KIF13A: variants seen among roughly 807,000 people sequenced by gnomAD.
KIF13A encodes kinesin-like protein KIF13A.
A neutral mutation model predicts 212.2 loss-of-function variants in KIF13A; 79 were observed. The ratio of observed to expected loss-of-function variants is 0.37; its 90% CI spans 0.31 to 0.45. KIF13A has a LOEUF of 0.45. KIF13A is among the 20% of genes least tolerant of loss of function. The pLI, the probability that KIF13A is intolerant of heterozygous loss-of-function variation, is 1.00. For synonymous variants in KIF13A, 789 were observed against 808.6 expected (o/e 0.98, Z 0.41); for missense variants, 1,901 against 2,209.0 (o/e 0.86, Z 2.79).
At chr6:17,810,872 A>T (rs547249698) in intron 17 of KIF13A, among the ~76,000 whole-genome samples, 4 of 152,282 alleles carry the variant, frequency 2.6e-5, no homozygotes, top group African/African-American at 9.6e-5. Flanking sequence ...AGTGATGGGG[A>T]GCAGCTGTAG....
chr6:17,772,825 A>AC lies in KIF13A; in HGVS notation c.4324+652dup, dbSNP rs1279052715. On this transcript the variant is annotated intron_variant, in intron 36 of 38. Transcript: ENST00000259711. The surrounding 1 kb of genome is among the most constrained non-coding windows in gnomAD (Gnocchi z 4.8). ...AGCCTCTTTTTTTCCCCCTCAGGCC[A>AC]CCCTGCTATATATGACTAAGGGAGG... Among the ~76,000 whole-genome samples, 1 of 152,068 alleles carries AC rather than the reference A, an allele frequency of 6.6e-6. No individual in the cohort carries two copies. Among genetic ancestry groups the AC allele is most frequent in the Non-Finnish European group, 1.5e-5 (1 of 68,000 alleles).
Position 17,987,599 on chromosome 6 carries a change from G to A in KIF13A, c.-136C>T. 1 of 297,960 alleles carries A rather than the reference G, an allele frequency of 3.4e-6. No individual in the cohort carries two copies. The highest frequency in any genetic ancestry group is 4.9e-6 in the Non-Finnish European group (1 of 205,190). The allele number at this position is 297,960 out of a possible 1,614,324, so 18.5% of individuals were successfully genotyped here. ...GCTCCGCCGTGAGCTCCGAGAGGCA[G>A]CGCCGAGGCGCGCGGGCCATCCCGG... On this transcript the variant is annotated 5_prime_UTR_variant, in exon 1 of 39. Coordinates refer to ENST00000259711, the MANE Select transcript of KIF13A (RefSeq NM_022113.6). The surrounding 1 kb of genome is among the most constrained non-coding windows in gnomAD (Gnocchi z 7.7).
intron 4 of KIF13A, among the ~76,000 whole-genome samples, chr6:17,862,689 C>T (rs1015033647): frequency 6.6e-6 from 1 of 151,992 alleles, no homozygotes; most frequent in Non-Finnish European, 1.5e-5. Flanking sequence ...TGGTTCATAC[C>T]TGTAATCCCA....
In KIF13A at chr6:17,892,480, G is replaced by C. The variant is rs1190614932; in HGVS notation, c.159+5688C>G. 6.6e-6 allele frequency among the ~76,000 whole-genome samples: 1 copy of C among 152,198 alleles called. No individual in the cohort carries two copies. The highest frequency in any genetic ancestry group is 1.5e-5 in the Non-Finnish European group (1 of 68,036). The stretch of plus-strand genomic sequence containing the variant: ...CTGACATCAAGGCCTGCCACAGCTG[G>C]GTGATACATCACTGTGCAGTGATAA... On this transcript the variant is annotated intron_variant, in intron 3 of 38. Coordinates refer to ENST00000259711, the MANE Select transcript of KIF13A (RefSeq NM_022113.6). The surrounding 1 kb of genome is among the most constrained non-coding windows in gnomAD (Gnocchi z 4.7).
At position 17,872,887 on chromosome 6, in the gene KIF13A, C is replaced by T. The variant is rs558256785; in HGVS notation, c.220+490G>A. On this transcript the variant is annotated intron_variant, in intron 4 of 38. Transcript: ENST00000259711. This position sits in a 1 kb window ranked among gnomAD's most constrained non-coding sequence, Gnocchi z 4.7. ...CTGACCTCAAGTGATCCGCCCACCT[C>T]GGCCTCCCAAAGTGCTGGGATTACA... 2.2e-4 allele frequency among the ~76,000 whole-genome samples: 33 copies of T among 152,230 alleles called. No individual in the cohort carries two copies. The highest frequency in any genetic ancestry group is 1.6e-3 in the Admixed American group (24 of 15,282).
intron 4 of KIF13A, among the ~76,000 whole-genome samples, chr6:17,862,835 C>T (rs926384581): frequency 1.3e-5 from 2 of 152,144 alleles, no homozygotes; most frequent in African/African-American, 4.8e-5. Context: ...GTAGTCCCAG[C>T]TACTCGGGAG....
In KIF13A at chr6:17,987,604, G is replaced by C. The variant is rs1351433947; in HGVS notation, c.-141C>G. 3.5e-6 allele frequency: 1 copy of C among 287,482 alleles called. No individual in the cohort carries two copies. Among genetic ancestry groups the C allele is most frequent in the African/African-American group, 2.3e-5 (1 of 43,042 alleles). 17.8% of individuals were successfully genotyped at this position (287,482 alleles called of 1,614,324 possible). A position where few individuals can be genotyped will look rare whatever the true frequency, so the allele number is the denominator to read the frequency against. On this transcript the variant is annotated 5_prime_UTR_variant, in exon 1 of 39. Coordinates refer to ENST00000259711, the MANE Select transcript of KIF13A (RefSeq NM_022113.6). The surrounding 1 kb of genome is among the most constrained non-coding windows in gnomAD (Gnocchi z 7.7). The stretch of plus-strand genomic sequence containing the variant: ...GCCGTGAGCTCCGAGAGGCAGCGCC[G>C]AGGCGCGCGGGCCATCCCGGGGGAG...
At chr6:17,866,763 T>A (rs1033314510) in intron 4 of KIF13A, among the ~76,000 whole-genome samples, 4 of 148,092 alleles carry the variant, frequency 2.7e-5, no homozygotes, top group African/African-American at 1.0e-4. Flanking sequence ...AAGGGAGGTA[T>A]TGAAGAAAAT....
intron 19 of KIF13A, among the ~76,000 whole-genome samples, chr6:17,805,045 A>C (rs1017233327): frequency 1.3e-4 from 20 of 152,128 alleles, no homozygotes; most frequent in African/African-American, 4.8e-4. Context: ...TGCAAGCTTA[A>C]ATTACTCTTA....
At chr6:17,940,048 T>TAAAAAAAAA (rs56365666) in intron 2 of KIF13A, among the ~76,000 whole-genome samples, 16 of 121,836 alleles carry the variant, frequency 1.3e-4, no homozygotes, top group Non-Finnish European at 2.0e-4. Flanking sequence ...TCTCATAAAT[T>TAAAAAAAAA]AAAAAAAAAA....
At chr6:17,956,456 CA>C (rs1778363170) in intron 2 of KIF13A, among the ~76,000 whole-genome samples, 3 of 152,154 alleles carry the variant, frequency 2.0e-5, no homozygotes, top group Admixed American at 2.0e-4. Flanking sequence ...CCTAGCACTG[CA>C]AAAGCAACCA....
At chr6:17,878,869 T>G (rs779701404) in intron 3 of KIF13A, among the ~76,000 whole-genome samples, 1 of 152,222 alleles carries the variant, frequency 6.6e-6, no homozygotes, top group East Asian at 1.9e-4. Context: ...CTAACAATAC[T>G]GATAGATACA....
Position 17,777,280 on chromosome 6 carries a change from A to T in KIF13A, c.4167T>A (p.His1389Gln). Reference protein sequence around the residue: ...IRRSLSTPNVHNVSSSRPDLS... With the variant: ...IRRSLSTPNVQNVSSSRPDLS... Reference sequence around the variant, plus strand: ...ATCCTTGGCAGGATGCACTTACATTATGAACATTTGGTGTACTGAGGCTCC... The same window carrying T: ...ATCCTTGGCAGGATGCACTTACATTTTGAACATTTGGTGTACTGAGGCTCC... Residue 1389 changes from histidine to glutamine, a missense_variant, in exon 34 of 39, where the codon CAT (histidine) becomes CAA (glutamine). By Grantham distance (24) the His-to-Gln change is conservative (BLOSUM62 0). Coordinates refer to ENST00000259711, the MANE Select transcript of KIF13A (RefSeq NM_022113.6). The surrounding 1 kb of genome is among the most constrained non-coding windows in gnomAD (Gnocchi z 4.4). The T allele has an allele frequency of 6.2e-7, 1 of 1,610,998 alleles. No individual in the cohort carries two copies. Among genetic ancestry groups the T allele is most frequent in the Non-Finnish European group, 8.5e-7 (1 of 1,178,304 alleles).
Position 17,886,871 on chromosome 6 carries a change from G to T in KIF13A, c.159+11297C>A, listed in dbSNP as rs1771587491. On this transcript the variant is annotated intron_variant, in intron 3 of 38. Coordinates refer to ENST00000259711, the MANE Select transcript of KIF13A (RefSeq NM_022113.6). This position sits in a 1 kb window ranked among gnomAD's most constrained non-coding sequence, Gnocchi z 5.6. ...ACCCTATGTTTCTGAGGATTGTTTT[G>T]TTGTCGTTGTTAAAAAGAGGAAAAA... is the stretch of plus-strand genomic sequence containing the variant. Among the ~76,000 whole-genome samples, 1 of 150,784 alleles carries T rather than the reference G, an allele frequency of 6.6e-6. No homozygotes were observed. Among genetic ancestry groups the T allele is most frequent in the African/African-American group, 2.4e-5 (1 of 40,828 alleles).
In KIF13A at chr6:17,921,011, T is replaced by G. The variant is rs1036601270; in HGVS notation, c.147-22831A>C. On this transcript the variant is annotated intron_variant, in intron 2 of 38. Transcript: ENST00000259711. The stretch of plus-strand genomic sequence containing the variant: ...TCTTAAGGTACTGGAAAAATTCCAC[T>G]GCAATCCTGAGGCCTACTAGGCAAA... Among the ~76,000 whole-genome samples, 7 of 152,276 alleles carry G rather than the reference T, an allele frequency of 4.6e-5. No individual in the cohort carries two copies. In the East Asian group the frequency reaches 1.3e-3, roughly 29 times the overall value.
chr6:17,884,234 G>C (rs1771340915), intron 3 of KIF13A, among the ~76,000 whole-genome samples: 3 of 152,130 alleles, frequency 2.0e-5, no homozygotes, highest in Admixed American at 6.6e-5. Context: ...ACATTAATTT[G>C]GGATTGTGGT....
rs565511740 is a variant in KIF13A, at chr6:17,773,888, T to G, written c.4219-305A>C. Among the ~76,000 whole-genome samples, 23 of 152,262 alleles carry G rather than the reference T, an allele frequency of 1.5e-4. No individual in the cohort carries two copies. The highest frequency in any genetic ancestry group is 1.4e-3 in the Admixed American group (21 of 15,282). ...TCCTTCCTCCCCAGAGGTAGCTACTTTGAGCAATGTGGCATATACCCAGAG... is the reference window on the plus strand; with the variant it reads ...TCCTTCCTCCCCAGAGGTAGCTACTGTGAGCAATGTGGCATATACCCAGAG... On this transcript the variant is annotated intron_variant, in intron 35 of 38. Coordinates refer to ENST00000259711, the MANE Select transcript of KIF13A (RefSeq NM_022113.6). This position sits in a 1 kb window ranked among gnomAD's most constrained non-coding sequence, Gnocchi z 4.2.
At chr6:17,803,644 G>C (rs1762664819) in intron 20 of KIF13A, among the ~76,000 whole-genome samples, 1 of 152,070 alleles carries the variant, frequency 6.6e-6, no homozygotes, top group East Asian at 1.9e-4. Context: ...GAGTACTTTG[G>C]ACTGCAAAAT....
At chr6:17,903,736 G>A (rs1245138286) in intron 2 of KIF13A, among the ~76,000 whole-genome samples, 1 of 152,168 alleles carries the variant, frequency 6.6e-6, no homozygotes, top group Non-Finnish European at 1.5e-5. Flanking sequence ...ATTTCTAATA[G>A]AGGTGATTTT....
Sources: gnomAD v4.1 joint callset for allele counts (sites outside exome capture counted in the v4.1 genomes callset) on GRCh38, gnomAD v4.1.1 for gene constraint, Gnocchi (gnomAD v3.1) non-coding constraint, MANE v1.5 for transcripts, NCBI Gene and HGNC (gene_info 2026-07-23, HGNC 2026-07-21) for gene names.